Variants in LCMT2 observed in about 807,000 individuals in gnomAD.
LCMT2 encodes tRNA wybutosine-synthesizing protein 4.
In LCMT2, 34 loss-of-function variants were observed where a neutral mutation model predicts 42.0. The ratio of observed to expected loss-of-function variants is 0.81; its 90% CI spans 0.62 to 1.08. The LOEUF is 1.08. Among genes scored for constraint, LCMT2 ranks in the 50% least tolerant of loss-of-function variants. LCMT2 has a pLI of 0.00. For missense variants in LCMT2, 1,091 were observed against 889.4 expected, an observed-to-expected ratio of 1.23 and a Z score of -2.88; for synonymous variants, 445 against 369.5, an observed-to-expected ratio of 1.20 and a Z score of -2.34.
At position 43,330,572 on chromosome 15, in the gene LCMT2, G is replaced by C. The variant is rs570058840; in HGVS notation, c.-83C>G. On this transcript the variant is annotated 5_prime_UTR_variant, in exon 1 of 1. Transcript: ENST00000305641. ...GCACACACCTCACGGACCTCGGTAG[G>C]GGGAAAAAAACCACCCATGCTCCTG... is the stretch of plus-strand genomic sequence containing the variant. 1,733 of 1,450,242 alleles carry C rather than the reference G, an allele frequency of 1.2e-3. 2 individuals carry two copies. Among genetic ancestry groups the C allele is most frequent in the Non-Finnish European group, 1.5e-3 (1,625 of 1,102,376 alleles). The allele number at this position is 1,450,242 out of a possible 1,614,324, so 89.8% of individuals were successfully genotyped here. A position where few individuals can be genotyped will look rare whatever the true frequency, so the allele number is the denominator to read the frequency against.
rs2043164110 is a variant in LCMT2 at position 43,330,077 on chromosome 15, G to A, written c.413C>T (p.Pro138Leu). 5 of 1,612,186 alleles carry A rather than the reference G, an allele frequency of 3.1e-6. No individual in the cohort carries two copies. The Middle Eastern group carries it at 8.3e-4, about 266-fold the overall frequency. ...GGACGCGGGCTCCCCCCTCTCGAAA[G>A]GCCCGGTTAACGCGCACAGCTCTGG... ...ETPELCALTGPFERGEPASAL... is the reference protein window; with the variant it reads ...ETPELCALTGLFERGEPASAL... The change falls in exon 1 of 1, where the codon CCT becomes CTT. Residue 138 changes from proline (P) to leucine (L), a missense_variant. Physicochemically the swap from Pro to Leu is moderately conservative, Grantham distance 98. Transcript: ENST00000305641.
rs767719778 is a variant in LCMT2, at chr15:43,330,059, G to C, written c.431C>G (p.Pro144Arg). The C allele has an allele frequency of 6.2e-7, 1 of 1,612,454 alleles. No homozygotes were observed. The highest frequency in any genetic ancestry group is 1.3e-5 in the African/African-American group (1 of 75,054). ...ALTGPFERGE[P>R]ASALCFESAD... ...GCTCTCAAAGCACAGCGCGGACGCGGGCTCCCCCCTCTCGAAAGGCCCGGT... is the reference window on the plus strand; with the variant it reads ...GCTCTCAAAGCACAGCGCGGACGCGCGCTCCCCCCTCTCGAAAGGCCCGGT... The change falls in exon 1 of 1, where the codon CCC (proline) becomes CGC (arginine). Residue 144 changes from proline to arginine, a missense_variant. Physicochemically the swap from Pro to Arg is moderately radical, Grantham distance 103. Coordinates refer to ENST00000305641, the MANE Select transcript of LCMT2 (RefSeq NM_014793.5).
At position 43,329,094 on chromosome 15, in the gene LCMT2, T is replaced by C. The variant is rs1596472977; in HGVS notation, c.1396A>G (p.Ile466Val). The C allele has an allele frequency of 6.2e-7, 1 of 1,614,124 alleles. No homozygotes were observed. Residue 466 changes from isoleucine (I) to valine (V), a missense_variant, in exon 1 of 1, where the codon ATA becomes GTA. Transcript: ENST00000305641. ...DNNTEDLKVT[I>V]TKAGRKDDST... Reference sequence around the variant, plus strand: ...TCATCCTTTCGGCCAGCCTTTGTTATTGTCACTTTCAGGTCCTCAGTGTTA... The same window carrying C: ...TCATCCTTTCGGCCAGCCTTTGTTACTGTCACTTTCAGGTCCTCAGTGTTA...
rs762817315 is a variant in LCMT2 at position 43,330,223 on chromosome 15, G to A, written c.267C>T (p.Gly89=). ...AALRAQILSL[G]AGFDSLYFRL... Reference sequence around the variant, plus strand: ...GAAAATAGAGCGAGTCGAAGCCAGCGCCGAGAGACAAGATCTGCGCGCGAA... The same window carrying A: ...GAAAATAGAGCGAGTCGAAGCCAGCACCGAGAGACAAGATCTGCGCGCGAA... The change falls in exon 1 of 1, where the codon GGC becomes GGT. Residue 89 remains glycine (G), a synonymous_variant. Coordinates refer to ENST00000305641, the MANE Select transcript of LCMT2 (RefSeq NM_014793.5). The A allele has an allele frequency of 5.6e-6, 9 of 1,610,672 alleles. No individual in the cohort carries two copies. The highest frequency in any genetic ancestry group is 3.3e-5 in the South Asian group (3 of 91,058).
rs1371079540 is a variant in LCMT2, at chr15:43,330,370, C to G, written c.120G>C (p.Leu40Phe). ...CGCGGCGCGCCGCGCCCGGAACCAG[C>G]AACGCGGCAAAGGGGTCCTGCACGT... ...RGYVQDPFAA[L>F]LVPGAARRAP... Residue 40 changes from leucine to phenylalanine, a missense_variant, in exon 1 of 1, where the codon TTG (leucine) becomes TTC (phenylalanine). Coordinates refer to ENST00000305641, the MANE Select transcript of LCMT2 (RefSeq NM_014793.5). 2.5e-6 allele frequency: 4 copies of G among 1,604,598 alleles called. No homozygotes were observed. Among genetic ancestry groups the G allele is most frequent in the Admixed American group, 1.7e-5 (1 of 58,012 alleles).
In LCMT2 at chr15:43,330,116, C is replaced by T. The variant is rs1256851384; in HGVS notation, c.374G>A (p.Arg125Lys). The change falls in exon 1 of 1, where the codon AGG becomes AAG. Residue 125 changes from arginine (R) to lysine (K), a missense_variant. Transcript: ENST00000305641. The part of the protein sequence containing the change: ...FPDVARRKAE[R>K]IGETPELCAL... ...GCACAGCTCTGGCGTCTCTCCAATC[C>T]TTTCTGCTTTGCGCCGCGCCACGTC... 2.5e-6 allele frequency: 4 copies of T among 1,612,062 alleles called. No homozygotes were observed. The highest frequency in any genetic ancestry group is 2.5e-6 in the Non-Finnish European group (3 of 1,179,930).
rs921869432 is a variant in LCMT2, at chr15:43,329,728, C to A, written c.762G>T (p.Gln254His). The change falls in exon 1 of 1, where the codon CAG (glutamine) becomes CAT (histidine). Residue 254 changes from glutamine (Q) to histidine (H), a missense_variant. Gln to His is a conservative substitution (Grantham distance 24, BLOSUM62 0). Coordinates refer to ENST00000305641, the MANE Select transcript of LCMT2 (RefSeq NM_014793.5). ...AGCCAGCTTGAAGGAAGCGGCGCCGCTGCGCCTCCACGTCAGGAAAACGCT... is the reference window on the plus strand; with the variant it reads ...AGCCAGCTTGAAGGAAGCGGCGCCGATGCGCCTCCACGTCAGGAAAACGCT... ...GLERFPDVEA[Q>H]RRRFLQAGWT... 1 of 1,613,394 alleles carries A rather than the reference C, an allele frequency of 6.2e-7. No homozygotes were observed.
At position 43,324,751 on chromosome 15, in the gene LCMT2, C is replaced by G. The variant is rs2043109088; in HGVS notation, c.*3678G>C. 6.6e-6 allele frequency: 1 copy of G among 152,336 alleles called. No homozygotes were observed. Among genetic ancestry groups the G allele is most frequent in the East Asian group, 1.9e-4 (1 of 5,200 alleles). The allele number at this position is 152,336 out of a possible 1,614,324, so 9.4% of individuals were successfully genotyped here. A position where few individuals can be genotyped will look rare whatever the true frequency, so the allele number is the denominator to read the frequency against. ...CTTCTCTTCAAAGGCTTCTCTTGCA[C>G]AGGGAGAAAGCGGTTGGTTCCATTT... On this transcript the variant is annotated 3_prime_UTR_variant, in exon 1 of 1. Transcript: ENST00000305641.
At position 43,325,068 on chromosome 15, in the gene LCMT2, T is replaced by TC. The variant is rs2043110279; in HGVS notation, c.*3360_*3361insG. The TC allele has an allele frequency of 6.6e-6, 1 of 151,568 alleles. No homozygotes were observed. Among genetic ancestry groups the TC allele is most frequent in the African/African-American group, 2.4e-5 (1 of 41,226 alleles). 9.4% of individuals were successfully genotyped at this position (151,568 alleles called of 1,614,324 possible). A position where few individuals can be genotyped will look rare whatever the true frequency, so the allele number is the denominator to read the frequency against. ...CAAAAAGAAGCAACAGCACTGGCCT[T>TC]GAAGAGCATATCCTCCAACAGTTGT... On this transcript the variant is annotated 3_prime_UTR_variant, in exon 1 of 1. Coordinates refer to ENST00000305641, the MANE Select transcript of LCMT2 (RefSeq NM_014793.5).
chr15:43,324,387 C>T lies in LCMT2; in HGVS notation c.*4042G>A, dbSNP rs144167509. On this transcript the variant is annotated 3_prime_UTR_variant, in exon 1 of 1. Transcript: ENST00000305641. ...ATCTCAGCACTTTGGGAGGCCGAGG[C>T]GGGCAGATCACTTGAGGTCAGGAGT... The T allele has an allele frequency of 0.022, 3,283 of 152,192 alleles. 122 individuals carry two copies. Among genetic ancestry groups the T allele is most frequent in the African/African-American group, 0.075 (3,102 of 41,448 alleles). The allele number at this position is 152,192 out of a possible 1,614,324, so 9.4% of individuals were successfully genotyped here.
Position 43,328,600 on chromosome 15 carries a change from G to C in LCMT2, c.1890C>G (p.Asp630Glu). The part of the protein sequence containing the change: ...TTGLSSEYQI[D>E]TTYVPWPLML... ...TTAATGGCCATGGCACATATGTTGT[G>C]TCAATCTGATACTCAGAGCTCAATC... Residue 630 changes from aspartate (D) to glutamate (E), a missense_variant, in exon 1 of 1, where the codon GAC becomes GAG. Coordinates refer to ENST00000305641, the MANE Select transcript of LCMT2 (RefSeq NM_014793.5). The C allele has an allele frequency of 6.2e-7, 1 of 1,614,190 alleles. No homozygotes were observed. The highest frequency in any genetic ancestry group is 8.5e-7 in the Non-Finnish European group (1 of 1,180,020).
chr15:43,330,216 A>G lies in LCMT2; in HGVS notation c.274T>C (p.Phe92Leu). Residue 92 changes from phenylalanine (F) to leucine (L), a missense_variant, in exon 1 of 1, where the codon TTC becomes CTC. Coordinates refer to ENST00000305641, the MANE Select transcript of LCMT2 (RefSeq NM_014793.5). Reference protein sequence around the residue: ...RAQILSLGAGFDSLYFRLKTA... With the variant: ...RAQILSLGAGLDSLYFRLKTA... ...TTTAAGCGAAAATAGAGCGAGTCGAAGCCAGCGCCGAGAGACAAGATCTGC... is the reference window on the plus strand; with the variant it reads ...TTTAAGCGAAAATAGAGCGAGTCGAGGCCAGCGCCGAGAGACAAGATCTGC... The G allele has an allele frequency of 6.2e-7, 1 of 1,611,188 alleles. No individual in the cohort carries two copies. The highest frequency in any genetic ancestry group is 8.5e-7 in the Non-Finnish European group (1 of 1,179,766).
chr15:43,328,901 A>T lies in LCMT2; in HGVS notation c.1589T>A (p.Val530Glu), dbSNP rs776009613. Residue 530 changes from valine to glutamate, a missense_variant, in exon 1 of 1, where the codon GTA (valine) becomes GAA (glutamate). Coordinates refer to ENST00000305641, the MANE Select transcript of LCMT2 (RefSeq NM_014793.5). ...ACTGTGAGAATGCCGGGCTTCAGGT[A>T]CTTCTCCCTCCACTGGGATCCTGAC... ...AWVRIPVEGEVPEARHSHSAC... is the reference protein window; with the variant it reads ...AWVRIPVEGEEPEARHSHSAC... 6.8e-6 allele frequency: 11 copies of T among 1,613,888 alleles called. No individual in the cohort carries two copies. In the South Asian group the frequency reaches 1.2e-4, roughly 18 times the overall value.
rs1438505848 is a variant in LCMT2, at chr15:43,329,933, A to G, written c.557T>C (p.Leu186Pro). Residue 186 changes from leucine to proline, a missense_variant, in exon 1 of 1, where the codon CTG becomes CCG. Transcript: ENST00000305641. ...GLDAASPTLL[L>P]AEAVLTYLEP... ...GAGGTAGGTCAGCACCGCCTCGGCC[A>G]GGAGCAGAGTGGGTGAGGCTGCGTC... 6.2e-7 allele frequency: 1 copy of G among 1,612,662 alleles called. No individual in the cohort carries two copies. The highest frequency in any genetic ancestry group is 2.2e-5 in the East Asian group (1 of 44,874).
At position 43,328,778 on chromosome 15, in the gene LCMT2, C is replaced by T. The variant is rs2043135505; in HGVS notation, c.1712G>A (p.Gly571Glu). The T allele has an allele frequency of 1.2e-6, 2 of 1,613,568 alleles. No individual in the cohort carries two copies. Among genetic ancestry groups the T allele is most frequent in the South Asian group, 2.2e-5 (2 of 91,082 alleles). The change falls in exon 1 of 1, where the codon GGA becomes GAA. Residue 571 changes from glycine (G) to glutamate (E), a missense_variant. By Grantham distance (98) the Gly-to-Glu change is moderately conservative (BLOSUM62 -2). Transcript: ENST00000305641. ...GATGTCTACTGACTCCCAGAGGAAT[C>T]CACAAGAGATTGGTCTCAGAAAGAG... ...SVLFLRPISC[G>E]FLWESVDIQP...
In LCMT2 at chr15:43,330,170, C is replaced by CG; in HGVS notation, c.319dup (p.Arg107ProfsTer45). The CG allele has an allele frequency of 6.2e-7, 1 of 1,611,776 alleles. No homozygotes were observed. Among genetic ancestry groups the CG allele is most frequent in the African/African-American group, 1.3e-5 (1 of 75,006 alleles). ...AAAATCCACCTCCCAGACTGCAGCC[C>CG]GGGCCAGGCGGCCCGCGGTTTTTAA... On this transcript the variant is annotated frameshift_variant, in exon 1 of 1. Coordinates refer to ENST00000305641, the MANE Select transcript of LCMT2 (RefSeq NM_014793.5). LOFTEE classifies it high-confidence loss of function.
chr15:43,328,223 G>A lies in LCMT2; in HGVS notation c.*206C>T. ...ACCACTACTCCTCTCGGACTGCATG[G>A]CCACTGTCTTCAGCTGTTTTCTGTA... On this transcript the variant is annotated 3_prime_UTR_variant, in exon 1 of 1. Coordinates refer to ENST00000305641, the MANE Select transcript of LCMT2 (RefSeq NM_014793.5). The A allele has an allele frequency of 1.7e-6, 1 of 572,916 alleles. No individual in the cohort carries two copies. Among genetic ancestry groups the A allele is most frequent in the South Asian group, 2.3e-5 (1 of 43,140 alleles). 35.5% of individuals were successfully genotyped at this position (572,916 alleles called of 1,614,324 possible).
In LCMT2 at chr15:43,325,187, T is replaced by G. The variant is rs2043110853; in HGVS notation, c.*3242A>C. The G allele has an allele frequency of 6.6e-6, 1 of 152,234 alleles. No individual in the cohort carries two copies. The highest frequency in any genetic ancestry group is 2.4e-5 in the African/African-American group (1 of 41,466). 9.4% of individuals were successfully genotyped at this position (152,234 alleles called of 1,614,324 possible). On this transcript the variant is annotated 3_prime_UTR_variant, in exon 1 of 1. Coordinates refer to ENST00000305641, the MANE Select transcript of LCMT2 (RefSeq NM_014793.5). Reference sequence around the variant, plus strand: ...CAAAATAAGAAATTACTTTCCTTCCTTAAGTAGTTTATCTGGTCTAGAAGT... The same window carrying G: ...CAAAATAAGAAATTACTTTCCTTCCGTAAGTAGTTTATCTGGTCTAGAAGT...
At position 43,329,436 on chromosome 15, in the gene LCMT2, C is replaced by G. The variant is rs113163259; in HGVS notation, c.1054G>C (p.Val352Leu). The change falls in exon 1 of 1, where the codon GTC becomes CTC. Residue 352 changes from valine to leucine, a missense_variant. By Grantham distance (32) the Val-to-Leu change is conservative. Transcript: ENST00000305641. ...PASVVSSEGQ[V>L]PNLKRYGHAS... ...TGGCCATATCTCTTCAGGTTTGGGA[C>G]CTGGCCCTCGCTACTGACTACGCTG... The G allele has an allele frequency of 6.2e-7, 1 of 1,614,032 alleles. No homozygotes were observed. The highest frequency in any genetic ancestry group is 1.7e-5 in the Admixed American group (1 of 60,006).
Sources: allele counts gnomAD v4.1 joint callset, GRCh38; gene constraint gnomAD v4.1.1; transcripts MANE v1.5; gene names NCBI Gene and HGNC (gene_info 2026-07-23, HGNC 2026-07-21).